Variants in NKAIN3 observed in about 807,000 individuals in gnomAD.
NKAIN3 encodes sodium/potassium transporting ATPase interacting 3.
NKAIN3 carries 25 observed loss-of-function variants against 30.2 expected under a neutral mutation model. The ratio of observed to expected loss-of-function variants is 0.83; its 90% CI spans 0.60 to 1.16. The LOEUF is 1.16. Among genes scored for constraint, NKAIN3 ranks in the 50% most tolerant of loss-of-function variants. The pLI is 0.00. For missense variants in NKAIN3, 225 were observed against 254.1 expected (o/e 0.89, Z 0.78); for synonymous variants, 91 against 89.6 (o/e 1.02, Z -0.09).
At chr8:62,555,009 TATACACACACACACAC>T (rs1809339900) in intron 1 of NKAIN3, among the ~76,000 whole-genome samples, 1 of 104,624 alleles carries the variant, frequency 9.6e-6, no homozygotes, top group African/African-American at 3.2e-5. Context: ...TGGCAGAATC[TATACACACACACACAC>T]ACACACACAC....
chr8:62,860,496 T>A (rs1052196427), intron 4 of NKAIN3, among the ~76,000 whole-genome samples: 5 of 152,234 alleles, frequency 3.3e-5, no homozygotes, highest in African/African-American at 1.2e-4. Flanking sequence ...ACATTGCAGA[T>A]AATTTACACT....
chr8:62,510,324 T>A (rs776044383), intron 1 of NKAIN3, among the ~76,000 whole-genome samples: 1 of 152,146 alleles, frequency 6.6e-6, no homozygotes, highest in Non-Finnish European at 1.5e-5. Flanking sequence ...GAAAGAATCC[T>A]GGAGGTATTT....
intron 4 of NKAIN3, among the ~76,000 whole-genome samples, chr8:62,785,448 G>T: frequency 6.6e-6 from 1 of 152,126 alleles, no homozygotes; most frequent in Non-Finnish European, 1.5e-5. Context: ...GAGATGGAGA[G>T]TGACTGTTAA....
chr8:62,329,489 C>T (rs760704597), intron 1 of NKAIN3, among the ~76,000 whole-genome samples: 17 of 152,186 alleles, frequency 1.1e-4, no homozygotes, highest in African/African-American at 1.7e-4. Flanking sequence ...GCTTACATTC[C>T]GCTCCTTTTC....
At chr8:62,325,961 T>G (rs1252046436) in intron 1 of NKAIN3, among the ~76,000 whole-genome samples, 1 of 152,102 alleles carries the variant, frequency 6.6e-6, no homozygotes, top group African/African-American at 2.4e-5. Context: ...GGGTAGTCTG[T>G]TTACTCTATT....
chr8:62,517,512 C>A (rs1469121005), intron 1 of NKAIN3, among the ~76,000 whole-genome samples: 1 of 152,034 alleles, frequency 6.6e-6, no homozygotes, highest in African/African-American at 2.4e-5. Flanking sequence ...TTTTCATTGG[C>A]AATGAGAAGC....
intron 4 of NKAIN3, among the ~76,000 whole-genome samples, chr8:62,824,864 C>A (rs990008248): frequency 6.6e-6 from 1 of 152,184 alleles, no homozygotes; most frequent in South Asian, 2.1e-4. Flanking sequence ...CATTTACCTT[C>A]TCCTGGAGGT....
At chr8:62,947,946 A>G (rs1188072558) in intron 5 of NKAIN3, among the ~76,000 whole-genome samples, 1 of 152,218 alleles carries the variant, frequency 6.6e-6, no homozygotes, top group Admixed American at 6.5e-5. Flanking sequence ...GTGCCAATAC[A>G]TGAGCAAAAC....
chr8:62,283,905 T>C (rs190738834), intron 1 of NKAIN3, among the ~76,000 whole-genome samples: 11 of 152,290 alleles, frequency 7.2e-5, no homozygotes, highest in African/African-American at 2.6e-4. Context: ...GGGAATACTT[T>C]AAAAATTAAT....
chr8:62,667,811 C>A (rs1429240164), intron 3 of NKAIN3, among the ~76,000 whole-genome samples: 2 of 152,094 alleles, frequency 1.3e-5, no homozygotes, highest in African/African-American at 2.4e-5. Flanking sequence ...ACATGATATA[C>A]CCTGCCTTTG....
intron 4 of NKAIN3, among the ~76,000 whole-genome samples, chr8:62,813,954 A>G (rs1301124401): frequency 6.6e-6 from 1 of 152,008 alleles, no homozygotes; most frequent in Non-Finnish European, 1.5e-5. Context: ...AGTGCTATGA[A>G]TATATCATCT....
At chr8:62,629,875 T>A (rs1412657723) in intron 3 of NKAIN3, among the ~76,000 whole-genome samples, 1 of 152,120 alleles carries the variant, frequency 6.6e-6, no homozygotes, top group Non-Finnish European at 1.5e-5. Flanking sequence ...TGATTCATTA[T>A]GGATTTTTTA....
At chr8:62,324,373 A>T (rs1815044714) in intron 1 of NKAIN3, among the ~76,000 whole-genome samples, 1 of 152,106 alleles carries the variant, frequency 6.6e-6, no homozygotes, top group Non-Finnish European at 1.5e-5. Context: ...TTACGACCTA[A>T]AAATATGTTT....
chr8:62,944,866 A>G (rs1823077143), intron 5 of NKAIN3, among the ~76,000 whole-genome samples: 1 of 152,206 alleles, frequency 6.6e-6, no homozygotes, highest in African/African-American at 2.4e-5. Flanking sequence ...GATGAATATT[A>G]GTTATTGCTA....
At chr8:62,263,268 G>A (rs1758941561) in intron 1 of NKAIN3, among the ~76,000 whole-genome samples, 1 of 152,080 alleles carries the variant, frequency 6.6e-6, no homozygotes, top group Non-Finnish European at 1.5e-5. Flanking sequence ...GGTTTAAAAT[G>A]CTCTTAGGAG....
chr8:62,823,584 G>T (rs989015947), intron 4 of NKAIN3, among the ~76,000 whole-genome samples: 1 of 152,134 alleles, frequency 6.6e-6, no homozygotes, highest in Non-Finnish European at 1.5e-5. Flanking sequence ...GCTTTGAGAC[G>T]ATTAAAACAG....
At chr8:62,719,296 T>G (rs896732888) in intron 3 of NKAIN3, among the ~76,000 whole-genome samples, 2 of 152,184 alleles carry the variant, frequency 1.3e-5, no homozygotes, top group Non-Finnish European at 2.9e-5. Context: ...TCTCATCTCA[T>G]AAGTCCAAAA....
intron 1 of NKAIN3, among the ~76,000 whole-genome samples, chr8:62,346,104 A>G (rs1815997084): frequency 6.6e-6 from 1 of 152,022 alleles, no homozygotes; most frequent in South Asian, 2.1e-4. Flanking sequence ...AGAGGTTAGT[A>G]AACACGTGAA....
intron 1 of NKAIN3, among the ~76,000 whole-genome samples, chr8:62,321,680 T>A (rs1814917683): frequency 6.6e-6 from 1 of 151,760 alleles, no homozygotes; most frequent in African/African-American, 2.4e-5. Flanking sequence ...GCCTGATTGT[T>A]CCTCTGTAAG....
Sources: gnomAD v4.1 joint callset for allele counts (sites outside exome capture counted in the v4.1 genomes callset) on GRCh38, gnomAD v4.1.1 for gene constraint, MANE v1.5 for transcripts, NCBI Gene and HGNC (gene_info 2026-07-23, HGNC 2026-07-21) for gene names.